Variants in LPA observed in about 807,000 individuals in gnomAD.
LPA encodes the protein lipoprotein(a).
LPA carries 199 observed loss-of-function variants against 197.9 expected under a neutral mutation model. The observed-to-expected ratio is 1.01, with a 90% CI of 0.90 to 1.13. The LOEUF is 1.13. Ranked by LOEUF, LPA falls within the 50% of genes most tolerant of loss-of-function variation. The pLI, the probability that LPA is intolerant of heterozygous loss-of-function variation, is 0.00. For missense variants in LPA, 1,853 were observed against 1,785.8 expected (o/e 1.04, Z -0.68); for synonymous variants, 715 against 639.5 (o/e 1.12, Z -1.78).
intron 2 of LPA, among the ~76,000 whole-genome samples, chr6:160,647,387 G>T (rs977513592): frequency 6.6e-6 from 1 of 152,112 alleles, no homozygotes; most frequent in Non-Finnish European, 1.5e-5. Context: ...TTCATGACCT[G>T]TGGCTGCCTG....
intron 26 of LPA, 74 bp downstream of exon 26, chr6:160,584,972 G>A (rs1382115334): frequency 2.0e-6 from 3 of 1,497,886 alleles, no homozygotes; most frequent in Non-Finnish European, 2.8e-6. Context: ...TAGGAAGTGA[G>A]CTTGTAGCAT....
chr6:160,606,366 G>A, intron 17 of LPA, 111 bp downstream of exon 17: 1 of 1,469,588 alleles, frequency 6.8e-7, no homozygotes, highest in South Asian at 1.2e-5. Flanking sequence ...ACAGAACTCA[G>A]TCAACACTCG....
At chr6:160,557,923 T>C (rs1259820762) in intron 28 of LPA, among the ~76,000 whole-genome samples, 1 of 139,456 alleles carries the variant, frequency 7.2e-6, no homozygotes, top group Non-Finnish European at 1.6e-5. Context: ...GCATTTTAGA[T>C]TTTTTTTTTT....
chr6:160,611,083 A>G (rs1447068697), intron 16 of LPA, among the ~76,000 whole-genome samples: 2 of 152,100 alleles, frequency 1.3e-5, no homozygotes, highest in South Asian at 2.1e-4. Flanking sequence ...CTTAGGACCA[A>G]GAGATTTTCT....
At chr6:160,553,954 T>TGTGTGTGCGCGCGC (rs771903485) in intron 30 of LPA, among the ~76,000 whole-genome samples, 5 of 130,746 alleles carry the variant, frequency 3.8e-5, no homozygotes, top group African/African-American at 1.5e-4. Context: ...TGTGTGTGTG[T>TGTGTGTGCGCGCGC]GCGCGCGCGC....
At chr6:160,597,506 C>G (rs1467614466) in intron 20 of LPA, among the ~76,000 whole-genome samples, 1 of 152,110 alleles carries the variant, frequency 6.6e-6, no homozygotes, top group African/African-American at 2.4e-5. Context: ...ATATGTGCAG[C>G]TATTTCTGTA....
Position 160,542,783 on chromosome 6 carries a change from C to T in LPA, c.5424G>A (p.Lys1808=). Residue 1808 remains lysine, a synonymous_variant, in exon 34 of 39, where the codon AAG becomes AAA. Transcript: ENST00000316300. ...GACATTTCTTCGGCTCCACTTGAGG[C>T]TTCCCACAATCAAATGAAGAGGATG... ...LCASSSFDCG[K]PQVEPKKCPG... The T allele has an allele frequency of 6.2e-7, 1 of 1,614,128 alleles. No homozygotes were observed. The highest frequency in any genetic ancestry group is 8.5e-7 in the Non-Finnish European group (1 of 1,179,990).
chr6:160,595,595 C>A (rs1779117321), intron 20 of LPA, 60 bp from the exon 21 acceptor site: 2 of 1,610,408 alleles, frequency 1.2e-6, no homozygotes, highest in African/African-American at 2.7e-5. Context: ...GGGCACTTAG[C>A]GCCCTCTACA....
chr6:160,654,018 A>AT (rs1562354790), intron 1 of LPA, among the ~76,000 whole-genome samples: 148 of 9,190 alleles, frequency 0.016, 9 homozygotes, highest in African/African-American at 0.054. Context: ...TATATTATAT[A>AT]TAATATATAA....
intron 28 of LPA, among the ~76,000 whole-genome samples, chr6:160,576,082 T>C (rs958847816): frequency 1.3e-5 from 2 of 152,078 alleles, no homozygotes; most frequent in Non-Finnish European, 2.9e-5. Context: ...CTCAATACAC[T>C]ACTATCTGTT....
chr6:160,548,390 A>C (rs1318307181), intron 31 of LPA, 88 bp downstream of exon 31: 13 of 1,347,512 alleles, frequency 9.6e-6, no homozygotes, highest in Non-Finnish European at 1.4e-5. Flanking sequence ...AGGCTTCTGC[A>C]TCAGTGTGGT....
chr6:160,651,093 C>T (rs539048993), intron 1 of LPA, among the ~76,000 whole-genome samples: 4 of 152,288 alleles, frequency 2.6e-5, no homozygotes, highest in East Asian at 1.9e-4. Flanking sequence ...ACATAGCAGA[C>T]GTCTGCTACT....
intron 30 of LPA, among the ~76,000 whole-genome samples, chr6:160,553,954 TGCGCGCGC>T (rs1554231703): frequency 2.3e-5 from 3 of 130,738 alleles, no homozygotes; most frequent in Admixed American, 7.4e-5. Flanking sequence ...TGTGTGTGTG[TGCGCGCGC>T]GCGCGTGTGC....
intron 2 of LPA, among the ~76,000 whole-genome samples, chr6:160,648,767 C>T (rs377657279): frequency 5.9e-5 from 9 of 152,066 alleles, no homozygotes; most frequent in African/African-American, 2.2e-4. Context: ...GCTCTTTATA[C>T]TCTTACTGTC....
intron 36 of LPA, among the ~76,000 whole-genome samples, chr6:160,539,805 G>A (rs528321029): frequency 4.7e-5 from 7 of 149,412 alleles, no homozygotes; most frequent in South Asian, 2.1e-4. Flanking sequence ...TAAGTTTTAC[G>A]GGTAACAGGG....
rs750180954 is a variant in LPA, at chr6:160,605,083, G to A, written c.2908C>T (p.His970Tyr). 3.1e-6 allele frequency: 5 copies of A among 1,613,914 alleles called. No individual in the cohort carries two copies. The highest frequency in any genetic ancestry group is 4.2e-6 in the Non-Finnish European group (5 of 1,179,814). The change falls in exon 18 of 39, where the codon CAC (histidine) becomes TAC (tyrosine). Residue 970 changes from histidine to tyrosine, a missense_variant. Transcript: ENST00000316300. ...TATGCTGGGGTCCGACTATGCGAGT[G>A]TGGTGTCATAGATGACCAAGCTTGG... ...TCQAWSSMTP[H>Y]SHSRTPAYYP...
intron 2 of LPA, among the ~76,000 whole-genome samples, chr6:160,648,801 T>C (rs1264541950): frequency 6.6e-6 from 1 of 152,196 alleles, no homozygotes; most frequent in Non-Finnish European, 1.5e-5. Context: ...TCTGTTGCAT[T>C]CTATATTCAT....
At chr6:160,648,041 T>C (rs1779933733) in intron 2 of LPA, among the ~76,000 whole-genome samples, 1 of 152,224 alleles carries the variant, frequency 6.6e-6, no homozygotes, top group Middle Eastern at 3.2e-3. Context: ...TTTCTTTGTT[T>C]AGGGGAGTGC....
intron 26 of LPA, among the ~76,000 whole-genome samples, chr6:160,584,237 T>TTCTTCTTCTTCTTCTTCCTCC (rs1554235539): frequency 7.9e-4 from 55 of 69,384 alleles, no homozygotes; most frequent in East Asian, 4.7e-3. Context: ...CTTCTTCTTC[T>TTCTTCTTCTTCTTCTTCCTCC]TCCTCCTCCT....
Sources: allele counts gnomAD v4.1 joint callset (sites outside exome capture counted in the v4.1 genomes callset), GRCh38; gene constraint gnomAD v4.1.1; transcripts MANE v1.5; gene names NCBI Gene and HGNC (gene_info 2026-07-23, HGNC 2026-07-21).